Variants in C10orf90 observed in about 807,000 individuals in gnomAD.
C10orf90 encodes chromosome 10 open reading frame 90, also known as (E2-independent) E3 ubiquitin-conjugating enzyme FATS.
In C10orf90, 56 loss-of-function variants were observed where a neutral mutation model predicts 62.5. The observed-to-expected ratio is 0.90, with a 90% CI of 0.72 to 1.12. C10orf90 has a LOEUF of 1.12. Ranked by LOEUF, C10orf90 falls within the 50% of genes most tolerant of loss-of-function variation. C10orf90 has a pLI of 0.00. For missense variants in C10orf90, 970 were observed against 880.4 expected, an observed-to-expected ratio of 1.10 and a Z score of -1.29; for synonymous variants, 386 against 340.4, an observed-to-expected ratio of 1.13 and a Z score of -1.47.
intron 7 of C10orf90, among the ~76,000 whole-genome samples, chr10:126,458,637 T>A (rs1329706940): frequency 1.3e-5 from 2 of 152,148 alleles, no homozygotes; most frequent in Non-Finnish European, 2.9e-5. Flanking sequence ...GGTTTCAAGA[T>A]GAGGAATGTT....
rs539438258 is a variant in C10orf90, at chr10:126,614,172, G to T, written c.313+32393C>A. 2.1e-4 allele frequency among the ~76,000 whole-genome samples: 32 copies of T among 152,168 alleles called. 1 individual carries two copies. The highest frequency in any genetic ancestry group is 1.5e-5 in the Non-Finnish European group (1 of 68,038). ...AACAATCTGAGGTCTTTCAGGGACA[G>T]AGTGAAACCTTAAAGGTCATTGCAC... On this transcript the variant is annotated intron_variant, in intron 2 of 9. Transcript: ENST00000488181.
At chr10:126,463,344 G>A (rs919640872) in intron 5 of C10orf90, 1 of 152,378 alleles carries the variant, frequency 6.6e-6, no homozygotes, top group Non-Finnish European at 1.5e-5. Flanking sequence ...CTGGGCCTCA[G>A]CCCCCAGCCG....
intron 2 of C10orf90, among the ~76,000 whole-genome samples, chr10:126,561,665 A>T (rs751567144): frequency 1.3e-5 from 2 of 152,108 alleles, no homozygotes; most frequent in Admixed American, 6.5e-5. Context: ...CTGGAACTGC[A>T]GCTGCAAATT....
chr10:126,668,683 C>A (rs1230954262), intron 1 of C10orf90, among the ~76,000 whole-genome samples: 1 of 152,128 alleles, frequency 6.6e-6, no homozygotes, highest in African/African-American at 2.4e-5. Context: ...CAGGCCCTTC[C>A]TGGACAACTT....
At chr10:126,509,078 G>C (rs1021918847) in intron 3 of C10orf90, among the ~76,000 whole-genome samples, 5 of 152,198 alleles carry the variant, frequency 3.3e-5, no homozygotes, top group African/African-American at 1.2e-4. Context: ...GAGGCCCAGA[G>C]GACGGGATAA....
chr10:126,442,469 TCAATATTTCATATATATATATATA>T (rs1374213621), intron 7 of C10orf90, among the ~76,000 whole-genome samples: 2 of 28,362 alleles, frequency 7.1e-5, no homozygotes, highest in African/African-American at 3.5e-4. Flanking sequence ...GTAGGGAACT[TCAATATTTCATATATATATATATA>T]TATATATATA....
intron 2 of C10orf90, among the ~76,000 whole-genome samples, chr10:126,574,438 A>C (rs1844570293): frequency 6.6e-6 from 1 of 152,150 alleles, no homozygotes. Context: ...GAAAATACAA[A>C]GTATTGCAAC....
At chr10:126,522,684 T>G (rs1295555104) in intron 2 of C10orf90, 5 of 152,248 alleles carry the variant, frequency 3.3e-5, no homozygotes, top group Non-Finnish European at 7.3e-5. Context: ...ACTACTCATT[T>G]TACAGATGAG....
chr10:126,463,785 C>T (rs899228643), intron 5 of C10orf90, among the ~76,000 whole-genome samples: 1 of 152,238 alleles, frequency 6.6e-6, no homozygotes, highest in Non-Finnish European at 1.5e-5. Flanking sequence ...CCCCATGGCC[C>T]ACCACACAGA....
intron 2 of C10orf90, among the ~76,000 whole-genome samples, chr10:126,568,480 A>G (rs114242499): frequency 0.015 from 2,343 of 152,256 alleles, 52 homozygotes; most frequent in African/African-American, 0.051. Context: ...CCTCATCCTG[A>G]ACATCCCTGA....
intron 5 of C10orf90, among the ~76,000 whole-genome samples, chr10:126,464,481 G>A (rs925909145): frequency 1.3e-5 from 2 of 152,134 alleles, no homozygotes; most frequent in African/African-American, 2.4e-5. Flanking sequence ...GCCCACAGTG[G>A]TCTTGAAAAT....
In C10orf90 at chr10:126,425,806, A is replaced by G; in HGVS notation, c.*58T>C. The G allele has an allele frequency of 6.5e-7, 1 of 1,542,142 alleles. No homozygotes were observed. The highest frequency in any genetic ancestry group is 8.8e-7 in the Non-Finnish European group (1 of 1,133,656). On this transcript the variant is annotated 3_prime_UTR_variant, in exon 10 of 10. Transcript: ENST00000488181. ...AAGATAATGCTAAGTTTAATGGCTT[A>G]TCCAGCATTCGAAGTCCTCCCAGGT...
At chr10:126,572,820 A>G (rs1225828782) in intron 2 of C10orf90, among the ~76,000 whole-genome samples, 1 of 152,034 alleles carries the variant, frequency 6.6e-6, no homozygotes, top group Non-Finnish European at 1.5e-5. Context: ...TGACACTCCT[A>G]CCAGCACCAT....
At chr10:126,540,897 G>C (rs1050998945) in intron 2 of C10orf90, among the ~76,000 whole-genome samples, 2 of 152,076 alleles carry the variant, frequency 1.3e-5, no homozygotes, top group Admixed American at 1.3e-4. Flanking sequence ...GAATATTTGC[G>C]TATAATATTC....
chr10:126,619,172 G>A (rs1245787698), intron 2 of C10orf90, among the ~76,000 whole-genome samples: 1 of 152,118 alleles, frequency 6.6e-6, no homozygotes, highest in Admixed American at 6.5e-5. Flanking sequence ...CCTTTTCACT[G>A]TAACAATACA....
chr10:126,569,952 G>A (rs992105261), intron 2 of C10orf90, among the ~76,000 whole-genome samples: 3 of 152,202 alleles, frequency 2.0e-5, no homozygotes, highest in Admixed American at 6.5e-5. Flanking sequence ...CTGCTTTTTA[G>A]CTGGTGACTT....
chr10:126,479,458 G>A (rs1199976700), intron 4 of C10orf90, among the ~76,000 whole-genome samples: 5 of 152,184 alleles, frequency 3.3e-5, no homozygotes, highest in East Asian at 3.9e-4. Context: ...TCCCAGATCC[G>A]GAGGGCGAGG....
At chr10:126,455,187 G>A (rs1383906215) in intron 7 of C10orf90, among the ~76,000 whole-genome samples, 1 of 152,162 alleles carries the variant, frequency 6.6e-6, no homozygotes. Context: ...ACACTTAGCA[G>A]CATCTACAGT....
intron 1 of C10orf90, among the ~76,000 whole-genome samples, chr10:126,668,632 C>T (rs755242014): frequency 1.3e-5 from 2 of 152,298 alleles, no homozygotes; most frequent in East Asian, 3.9e-4. Context: ...CAAATCCCAT[C>T]TGATGGTTTT....
Sources: gnomAD v4.1 joint callset for allele counts (sites outside exome capture counted in the v4.1 genomes callset) on GRCh38, gnomAD v4.1.1 for gene constraint, MANE v1.5 for transcripts, NCBI Gene and HGNC (gene_info 2026-07-23, HGNC 2026-07-21) for gene names.